Variants in GPC6 observed in about 807,000 individuals in gnomAD.
GPC6 encodes glypican-6.
In GPC6, 14 loss-of-function variants were observed where a neutral mutation model predicts 55.2. That is an observed-to-expected ratio of 0.25 (90% CI 0.17 to 0.40). The LOEUF (loss-of-function observed/expected upper bound fraction) is 0.40, where lower values mean the gene tolerates loss of function less well. Among genes scored for constraint, GPC6 ranks in the 10% least tolerant of loss-of-function variants. The pLI is 1.00. For missense variants in GPC6, 641 were observed against 708.5 expected, an observed-to-expected ratio of 0.90 and a Z score of 1.08; for synonymous variants, 278 against 259.6, an observed-to-expected ratio of 1.07 and a Z score of -0.68.
In GPC6 at chr13:93,344,428, A is replaced by C. The variant is rs541742930; in HGVS notation, c.160+116812A>C. Among the ~76,000 whole-genome samples, 115 of 151,926 alleles carry C rather than the reference A, an allele frequency of 7.6e-4. 1 individual carries two copies. Among genetic ancestry groups the C allele is most frequent in the African/African-American group, 2.7e-3 (110 of 41,416 alleles). ...AAAACCTGTCAGTGTTTTCTTCCTT[A>C]TCTCTCTTGAGGGCAGCCAGTTAAT... On this transcript the variant is annotated intron_variant, in intron 1 of 8. Coordinates refer to ENST00000377047, the MANE Select transcript of GPC6 (RefSeq NM_005708.5).
intron 4 of GPC6, among the ~76,000 whole-genome samples, chr13:94,074,143 C>G (rs998074503): frequency 6.6e-6 from 1 of 152,142 alleles, no homozygotes; most frequent in African/African-American, 2.4e-5. Context: ...AAACATCATA[C>G]TTTATTTGAC....
chr13:93,649,026 A>C (rs1466742599), intron 2 of GPC6, among the ~76,000 whole-genome samples: 1 of 152,206 alleles, frequency 6.6e-6, no homozygotes, highest in East Asian at 1.9e-4. Context: ...GCATATAATA[A>C]ATTCAACAAA....
At chr13:93,945,907 T>C (rs926540170) in intron 3 of GPC6, among the ~76,000 whole-genome samples, 1 of 152,246 alleles carries the variant, frequency 6.6e-6, no homozygotes, top group Admixed American at 6.5e-5. Context: ...TGTTCACCAA[T>C]GATATCAGTC....
chr13:93,941,366 T>C (rs1291655980), intron 3 of GPC6, among the ~76,000 whole-genome samples: 2 of 152,156 alleles, frequency 1.3e-5, no homozygotes, highest in Non-Finnish European at 2.9e-5. Context: ...TGTGAGTTGA[T>C]CTATGATATC....
At chr13:93,518,590 C>T (rs1201897111) in intron 1 of GPC6, among the ~76,000 whole-genome samples, 1 of 151,850 alleles carries the variant, frequency 6.6e-6, no homozygotes, top group Non-Finnish European at 1.5e-5. Flanking sequence ...TCTTAGTAAA[C>T]ATCAAGTTTT....
At chr13:94,004,370 G>A (rs1881928980) in intron 3 of GPC6, among the ~76,000 whole-genome samples, 2 of 151,898 alleles carry the variant, frequency 1.3e-5, no homozygotes, top group South Asian at 4.2e-4. Flanking sequence ...ACTTAACAAT[G>A]TCTGAATGCT....
At chr13:93,233,780 G>A (rs955373238) in intron 1 of GPC6, among the ~76,000 whole-genome samples, 3 of 152,186 alleles carry the variant, frequency 2.0e-5, no homozygotes, top group African/African-American at 7.2e-5. Context: ...TCCCTGGGGA[G>A]ACTGGTCAGT....
intron 1 of GPC6, among the ~76,000 whole-genome samples, chr13:93,427,733 C>T (rs899509493): frequency 6.6e-6 from 1 of 152,026 alleles, no homozygotes; most frequent in African/African-American, 2.4e-5. Flanking sequence ...TTTAAACTTC[C>T]AGCCCCTAGC....
intron 3 of GPC6, among the ~76,000 whole-genome samples, chr13:93,847,795 T>G (rs2139007506): frequency 6.6e-6 from 1 of 152,260 alleles, no homozygotes; most frequent in African/African-American, 2.4e-5. Context: ...ATTTTCCTTT[T>G]GTAATATAGA....
intron 3 of GPC6, among the ~76,000 whole-genome samples, chr13:93,878,971 G>A (rs1246347104): frequency 6.6e-6 from 1 of 152,048 alleles, no homozygotes; most frequent in Non-Finnish European, 1.5e-5. Context: ...AGAGAAGGAA[G>A]AAACAAGAAA....
intron 2 of GPC6, among the ~76,000 whole-genome samples, chr13:93,715,943 GC>G (rs1883239106): frequency 6.6e-6 from 1 of 151,576 alleles, no homozygotes; most frequent in South Asian, 2.1e-4. Flanking sequence ...ATACAGTCAT[GC>G]ATTGAATAAG....
Position 93,930,275 on chromosome 13 carries a change from G to GTTTTTTTTTTTTTTTTTTTTTTTTTT in GPC6, c.712-97441_712-97440insTTTTTTTTTTTTTTTTTTTTTTTTTT, listed in dbSNP as rs35858695. Among the ~76,000 whole-genome samples the GTTTTTTTTTTTTTTTTTTTTTTTTTT allele has an allele frequency of 5.2e-4, 64 of 123,828 alleles. 6 individuals are homozygous for GTTTTTTTTTTTTTTTTTTTTTTTTTT. Among genetic ancestry groups the GTTTTTTTTTTTTTTTTTTTTTTTTTT allele is most frequent in the African/African-American group, 1.9e-3 (60 of 31,282 alleles). The allele number at this position is 123,828 out of a possible 152,430, so 81.2% of individuals were successfully genotyped here. A position where few individuals can be genotyped will look rare whatever the true frequency, so the allele number is the denominator to read the frequency against. On this transcript the variant is annotated intron_variant, in intron 3 of 8. Coordinates refer to ENST00000377047, the MANE Select transcript of GPC6 (RefSeq NM_005708.5). ...TTTTAAAGGTTATTGGAAACGAAAG[G>GTTTTTTTTTTTTTTTTTTTTTTTTTT]TTTTTTTTTTTTTGTAGACAGAGTC...
intron 4 of GPC6, among the ~76,000 whole-genome samples, chr13:94,185,958 G>T (rs964906076): frequency 6.7e-6 from 1 of 150,072 alleles, no homozygotes; most frequent in Non-Finnish European, 1.5e-5. Flanking sequence ...TACCCAGGAG[G>T]CTGAGGCAGG....
chr13:93,368,232 C>A (rs1284593517), intron 1 of GPC6, among the ~76,000 whole-genome samples: 1 of 151,588 alleles, frequency 6.6e-6, no homozygotes, highest in Non-Finnish European at 1.5e-5. Flanking sequence ...AATATTAAAA[C>A]TCCCTCCGTC....
chr13:93,851,102 T>C (rs1397568507), intron 3 of GPC6, among the ~76,000 whole-genome samples: 1 of 151,956 alleles, frequency 6.6e-6, no homozygotes, highest in African/African-American at 2.4e-5. Flanking sequence ...CACAGCTTAC[T>C]TTTATAATAA....
At chr13:93,576,114 A>T (rs1051838311) in intron 2 of GPC6, among the ~76,000 whole-genome samples, 1 of 152,278 alleles carries the variant, frequency 6.6e-6, no homozygotes, top group South Asian at 2.1e-4. Context: ...AAAGAACAAC[A>T]TGAATGCAAT....
intron 3 of GPC6, among the ~76,000 whole-genome samples, chr13:93,891,157 T>C (rs970576007): frequency 6.6e-6 from 1 of 152,184 alleles, no homozygotes; most frequent in Non-Finnish European, 1.5e-5. Flanking sequence ...CAGTCTACCC[T>C]ATTACTTTAA....
chr13:93,622,154 G>A (rs1049091374), intron 2 of GPC6, among the ~76,000 whole-genome samples: 5 of 152,176 alleles, frequency 3.3e-5, no homozygotes, highest in African/African-American at 1.2e-4. Flanking sequence ...CCTCTTGCTG[G>A]TGTCACACAG....
At chr13:94,031,093 CGTGTGT>C (rs1242184492) in intron 4 of GPC6, among the ~76,000 whole-genome samples, 1 of 148,706 alleles carries the variant, frequency 6.7e-6, no homozygotes, top group African/African-American at 2.5e-5. Context: ...TGTGTGTGTG[CGTGTGT>C]GTGTGCGTGC....
Sources: allele counts gnomAD v4.1 joint callset (sites outside exome capture counted in the v4.1 genomes callset), GRCh38; gene constraint gnomAD v4.1.1; transcripts MANE v1.5; gene names NCBI Gene and HGNC (gene_info 2026-07-23, HGNC 2026-07-21).